Variants in ATP9B observed in about 807,000 individuals in gnomAD.
ATP9B encodes probable phospholipid-transporting ATPase IIB.
Under a neutral mutation model 146.1 loss-of-function variants are expected in ATP9B, and 110 were observed. That is an observed-to-expected ratio of 0.75 (90% CI 0.65 to 0.88). The LOEUF (loss-of-function observed/expected upper bound fraction) is 0.88, where lower values mean the gene tolerates loss of function less well. ATP9B is among the 40% of genes least tolerant of loss of function. The probability of loss-of-function intolerance (pLI) is 0.00; values close to 1 mark genes in which losing one functional copy is unlikely to be tolerated. For missense variants in ATP9B, 1,499 were observed against 1,496.4 expected, an observed-to-expected ratio of 1.00 and a Z score of -0.03; for synonymous variants, 604 against 569.7, an observed-to-expected ratio of 1.06 and a Z score of -0.86.
rs144907298 is a variant in ATP9B, at chr18:79,352,253, G to A, written c.2903+4057G>A. On this transcript the variant is annotated intron_variant, in intron 25 of 29. Transcript: ENST00000426216. The stretch of plus-strand genomic sequence containing the variant: ...AGATGGATAGCCTGTGAGTGCTCTC[G>A]TTAAAGTCAGATTGAACCTTAATTG... Among the ~76,000 whole-genome samples the A allele has an allele frequency of 1.6e-3, 238 of 152,230 alleles. 5 individuals are homozygous for A. In the East Asian group the frequency reaches 0.034, roughly 22 times the overall value.
intron 25 of ATP9B, among the ~76,000 whole-genome samples, chr18:79,349,665 T>C (rs1363082137): frequency 2.6e-5 from 4 of 152,224 alleles, no homozygotes; most frequent in African/African-American, 9.6e-5. Flanking sequence ...TTGTTAAACA[T>C]GTGAGGTCCT....
At chr18:79,162,367 A>G (rs2094896122) in intron 7 of ATP9B, among the ~76,000 whole-genome samples, 1 of 152,214 alleles carries the variant, frequency 6.6e-6, no homozygotes. Flanking sequence ...TTAAATTCCA[A>G]TTAATCAATT....
intron 20 of ATP9B, among the ~76,000 whole-genome samples, chr18:79,342,973 G>T (rs1258151758): frequency 6.6e-6 from 1 of 152,124 alleles, no homozygotes; most frequent in Non-Finnish European, 1.5e-5. Context: ...AAGTTTATGT[G>T]TTTACTGTAT....
chr18:79,171,547 G>A (rs1007924752), intron 7 of ATP9B, among the ~76,000 whole-genome samples: 4 of 152,084 alleles, frequency 2.6e-5, no homozygotes, highest in East Asian at 1.9e-4. Context: ...GGGAGACCCC[G>A]TGTGTCCCTT....
chr18:79,101,361 G>C (rs1190546119), intron 2 of ATP9B, among the ~76,000 whole-genome samples: 3 of 152,056 alleles, frequency 2.0e-5, no homozygotes, highest in African/African-American at 7.2e-5. Context: ...AGTGATATCT[G>C]TATTATGTGA....
intron 13 of ATP9B, among the ~76,000 whole-genome samples, chr18:79,286,500 A>C (rs921681407): frequency 2.4e-4 from 37 of 151,976 alleles, no homozygotes; most frequent in African/African-American, 8.9e-4. Flanking sequence ...GTTGCTTATC[A>C]GTTTAAGGAG....
At chr18:79,140,328 AT>A (rs1270425968) in intron 5 of ATP9B, among the ~76,000 whole-genome samples, 1 of 152,164 alleles carries the variant, frequency 6.6e-6, no homozygotes, top group African/African-American at 2.4e-5. Flanking sequence ...ATCGAATGGA[AT>A]TTTTTGGGGG....
chr18:79,102,316 A>G (rs2075338961), intron 2 of ATP9B, among the ~76,000 whole-genome samples: 2 of 152,278 alleles, frequency 1.3e-5, no homozygotes, highest in African/African-American at 4.8e-5. Flanking sequence ...TTTGTTGAAG[A>G]TGTTCTTGCA....
Position 79,132,052 on chromosome 18 carries a change from T to C in ATP9B, c.667+5677T>C, listed in dbSNP as rs8084108. 8.8e-3 allele frequency among the ~76,000 whole-genome samples: 1,343 copies of C among 152,348 alleles called. 25 individuals carry two copies. Among genetic ancestry groups the C allele is most frequent in the African/African-American group, 0.03 (1,265 of 41,576 alleles). On this transcript the variant is annotated intron_variant, in intron 5 of 29. Transcript: ENST00000426216. ...ACTTGATAGAGTTGGTCGCACTGCATTGTGAATACAGTCAATGCCACTGAA... is the reference window on the plus strand; with the variant it reads ...ACTTGATAGAGTTGGTCGCACTGCACTGTGAATACAGTCAATGCCACTGAA...
intron 15 of ATP9B, among the ~76,000 whole-genome samples, chr18:79,318,696 A>T (rs1342285609): frequency 6.6e-6 from 1 of 152,222 alleles, no homozygotes; most frequent in Admixed American, 6.5e-5. Context: ...GTGTATATGC[A>T]CCTTTCAGAA....
At chr18:79,359,580 C>T in intron 26 of ATP9B, 118 bp downstream of exon 26, 1 of 772,082 alleles carries the variant, frequency 1.3e-6, no homozygotes, top group Non-Finnish European at 2.2e-6. Context: ...AAACGATTCT[C>T]TGTCCTTGAA....
At chr18:79,364,262 T>G in intron 26 of ATP9B, 1 of 132,500 alleles carries the variant, frequency 7.5e-6, no homozygotes, top group Admixed American at 7.8e-5. Flanking sequence ...CGAAACTCCG[T>G]CTCAAAAAAA....
chr18:79,149,897 A>C (rs577477890), intron 6 of ATP9B, among the ~76,000 whole-genome samples: 16 of 152,164 alleles, frequency 1.1e-4, no homozygotes, highest in Admixed American at 4.6e-4. Flanking sequence ...CTTCGCCAAC[A>C]TGGTGAATCC....
intron 1 of ATP9B, among the ~76,000 whole-genome samples, chr18:79,090,676 C>G (rs1452491311): frequency 6.6e-6 from 1 of 151,988 alleles, no homozygotes; most frequent in African/African-American, 2.4e-5. Flanking sequence ...ATTATTAATC[C>G]CTTGTCAAAG....
At chr18:79,173,644 G>T (rs1568330726) in intron 7 of ATP9B, 1 of 450,600 alleles carries the variant, frequency 2.2e-6, no homozygotes, top group Non-Finnish European at 4.4e-6. Flanking sequence ...ATGTTGGGGG[G>T]ACTCTCTCTG....
intron 11 of ATP9B, among the ~76,000 whole-genome samples, chr18:79,225,154 T>C (rs2095716358): frequency 1.3e-5 from 2 of 152,242 alleles, no homozygotes; most frequent in Non-Finnish European, 2.9e-5. Context: ...ACAAATCTGA[T>C]TTTGACTTAT....
chr18:79,320,752 C>T (rs1359266306), intron 15 of ATP9B, among the ~76,000 whole-genome samples: 1 of 151,876 alleles, frequency 6.6e-6, no homozygotes, highest in Non-Finnish European at 1.5e-5. Context: ...CCTCGGGATG[C>T]TGTGGGTTTT....
At chr18:79,141,016 G>C (rs569789432) in intron 5 of ATP9B, among the ~76,000 whole-genome samples, 1 of 152,250 alleles carries the variant, frequency 6.6e-6, no homozygotes, top group East Asian at 1.9e-4. Context: ...AAGTACTGTT[G>C]TTACCTTACT....
chr18:79,312,255 G>A (rs1424959250), intron 15 of ATP9B, among the ~76,000 whole-genome samples: 1 of 152,214 alleles, frequency 6.6e-6, no homozygotes, highest in Non-Finnish European at 1.5e-5. Context: ...GCCTTCTATG[G>A]ACTGGCATAA....
Sources: gnomAD v4.1 joint callset for allele counts (sites outside exome capture counted in the v4.1 genomes callset) on GRCh38, gnomAD v4.1.1 for gene constraint, MANE v1.5 for transcripts, NCBI Gene and HGNC (gene_info 2026-07-23, HGNC 2026-07-21) for gene names.